VASH2: variants seen among roughly 807,000 people sequenced by gnomAD.
VASH2 encodes vasohibin 2.
In VASH2, 28 loss-of-function variants were observed where a neutral mutation model predicts 37.2. The observed-to-expected ratio is 0.75, with a 90% confidence interval of 0.56 to 1.03. The LOEUF (loss-of-function observed/expected upper bound fraction) is 1.03. Among genes scored for constraint, VASH2 ranks in the 50% least tolerant of loss-of-function variants. VASH2 has a pLI of 0.00. For missense variants in VASH2, 419 were observed against 459.1 expected (o/e 0.91, Z 0.80); for synonymous variants, 188 against 174.7 (o/e 1.08, Z -0.60).
rs1314609071 is a variant in VASH2 at position 212,991,311 on chromosome 1, G to A, written c.*2727G>A. On this transcript the variant is annotated 3_prime_UTR_variant, in exon 8 of 8. Transcript: ENST00000517399. ...CTTACTATACCTGAGTCTTTTGTAA[G>A]CTATAGTTTTATGTACAACCTTGTA... is the stretch of plus-strand genomic sequence containing the variant. The A allele has an allele frequency of 1.3e-5, 2 of 152,168 alleles. No homozygotes were observed. The highest frequency in any genetic ancestry group is 2.4e-5 in the African/African-American group (1 of 41,436). The allele number at this position is 152,168 out of a possible 1,614,324, so 9.4% of individuals were successfully genotyped here.
intron 2 of VASH2, among the ~76,000 whole-genome samples, chr1:212,956,410 T>C (rs1377508910): frequency 6.6e-6 from 1 of 152,170 alleles, no homozygotes; most frequent in Non-Finnish European, 1.5e-5. Flanking sequence ...TTTCGATCTG[T>C]TTCCTCTAGA....
chr1:212,986,823 T>C (rs749038615), intron 7 of VASH2, among the ~76,000 whole-genome samples: 1 of 152,126 alleles, frequency 6.6e-6, no homozygotes, highest in Non-Finnish European at 1.5e-5. Context: ...CCAGTCGCTA[T>C]GGGGAGAGAC....
At chr1:212,963,730 T>C (rs1666752303) in intron 3 of VASH2, among the ~76,000 whole-genome samples, 1 of 152,026 alleles carries the variant, frequency 6.6e-6, no homozygotes, top group Non-Finnish European at 1.5e-5. Flanking sequence ...ACTCAATGAT[T>C]AACTCTAAGG....
At chr1:212,957,774 C>A (rs1666542817) in intron 2 of VASH2, among the ~76,000 whole-genome samples, 1 of 152,122 alleles carries the variant, frequency 6.6e-6, no homozygotes, top group South Asian at 2.1e-4. Flanking sequence ...CCATGCCCAG[C>A]TGATTTTTGT....
chr1:212,983,241 G>A (rs1268134233), intron 7 of VASH2, among the ~76,000 whole-genome samples: 1 of 152,148 alleles, frequency 6.6e-6, no homozygotes, highest in Non-Finnish European at 1.5e-5. Context: ...TGTTGTCTTA[G>A]TCCATTTTGT....
chr1:212,973,713 A>C, intron 6 of VASH2: 1 of 1,302,922 alleles, frequency 7.7e-7, no homozygotes, highest in Non-Finnish European at 9.8e-7. Context: ...TACACGGCAC[A>C]GGGAGCACAA....
At chr1:212,966,128 T>C in intron 4 of VASH2, 143 bp from the exon 5 acceptor site, 1 of 711,212 alleles carries the variant, frequency 1.4e-6, no homozygotes, top group South Asian at 1.8e-5. Context: ...CTTTGGTGCC[T>C]TCCTGCAAGG....
In VASH2 at chr1:212,972,000, G is replaced by C. The variant is rs1667024953; in HGVS notation, c.498-580G>C. On this transcript the variant is annotated intron_variant, in intron 5 of 7. Coordinates refer to ENST00000517399, the MANE Select transcript of VASH2 (RefSeq NM_001301056.2). This position sits in a 1 kb window ranked among gnomAD's most constrained non-coding sequence, Gnocchi z 4.0. ...CACCAAGTGCCATGGGGGTTCTTGT[G>C]TGTTTTGGAAAGATGATCCCAGGCT... Among the ~76,000 whole-genome samples the C allele has an allele frequency of 2.0e-5, 3 of 152,174 alleles. No homozygotes were observed. Among genetic ancestry groups the C allele is most frequent in the African/African-American group, 7.2e-5 (3 of 41,430 alleles).
intron 7 of VASH2, among the ~76,000 whole-genome samples, chr1:212,986,048 G>A (rs987207700): frequency 1.3e-5 from 2 of 152,154 alleles, no homozygotes; most frequent in African/African-American, 4.8e-5. Context: ...CACACAGATC[G>A]TTAGATAAAT....
intron 7 of VASH2, among the ~76,000 whole-genome samples, chr1:212,988,105 A>G (rs1667535092): frequency 6.6e-6 from 1 of 152,222 alleles, no homozygotes; most frequent in South Asian, 2.1e-4. Flanking sequence ...GGCTTCCTCC[A>G]GGACACGAAC....
intron 2 of VASH2, among the ~76,000 whole-genome samples, chr1:212,956,653 T>G (rs1439869678): frequency 6.6e-6 from 1 of 152,248 alleles, no homozygotes; most frequent in African/African-American, 2.4e-5. Flanking sequence ...GCCTCGATCC[T>G]GTAGGAGAGC....
chr1:212,987,822 G>A (rs972951639), intron 7 of VASH2, among the ~76,000 whole-genome samples: 16 of 152,220 alleles, frequency 1.1e-4, no homozygotes, highest in Admixed American at 5.9e-4. Flanking sequence ...CATTTAGGAC[G>A]CATCTTTAAT....
At chr1:212,983,275 AC>A (rs1667387077) in intron 7 of VASH2, among the ~76,000 whole-genome samples, 1 of 152,180 alleles carries the variant, frequency 6.6e-6, no homozygotes, top group Non-Finnish European at 1.5e-5. Context: ...AATACCTGAG[AC>A]TGAGTCCTTT....
chr1:212,969,567 G>A (rs1300242289), intron 5 of VASH2, among the ~76,000 whole-genome samples: 1 of 152,126 alleles, frequency 6.6e-6, no homozygotes, highest in Non-Finnish European at 1.5e-5. Context: ...TCTCGGCTAA[G>A]TTTTTGTATT....
At chr1:212,977,687 A>G (rs1572077541) in intron 7 of VASH2, among the ~76,000 whole-genome samples, 3 of 152,124 alleles carry the variant, frequency 2.0e-5, no homozygotes, top group South Asian at 2.1e-4. Flanking sequence ...CTGAGGACAG[A>G]TAGATAGGCC....
At chr1:212,985,198 C>CTTTTTTTTTTTTTTTTT (rs55804989) in intron 7 of VASH2, among the ~76,000 whole-genome samples, 2 of 100,832 alleles carry the variant, frequency 2.0e-5, no homozygotes, top group Non-Finnish European at 3.7e-5. Flanking sequence ...ATTTTTTTTG[C>CTTTTTTTTTTTTTTTTT]TTTTTTTTTT....
chr1:212,957,238 A>G (rs1666525554), intron 2 of VASH2, among the ~76,000 whole-genome samples: 1 of 152,234 alleles, frequency 6.6e-6, no homozygotes, highest in South Asian at 2.1e-4. Context: ...GTTCCACTGT[A>G]TACCATCGTA....
chr1:212,960,740 T>C (rs550056807), intron 2 of VASH2, among the ~76,000 whole-genome samples: 1 of 152,324 alleles, frequency 6.6e-6, no homozygotes, highest in East Asian at 1.9e-4. Context: ...AGAGCACTTG[T>C]AGTGGATCAC....
intron 2 of VASH2, among the ~76,000 whole-genome samples, chr1:212,955,984 C>G (rs1349827397): frequency 6.6e-6 from 1 of 152,250 alleles, no homozygotes; most frequent in East Asian, 1.9e-4. Flanking sequence ...CTTCTCTTCC[C>G]AAGCTGCCAA....
Sources: gnomAD v4.1 joint callset for allele counts (sites outside exome capture counted in the v4.1 genomes callset) on GRCh38, gnomAD v4.1.1 for gene constraint, Gnocchi (gnomAD v3.1) non-coding constraint, MANE v1.5 for transcripts, NCBI Gene and HGNC (gene_info 2026-07-23, HGNC 2026-07-21) for gene names.